The following GABRG3 variants were observed in gnomAD, a reference collection of about 807,000 sequenced individuals.
GABRG3 encodes the protein gamma-aminobutyric acid type A receptor subunit gamma3.
In GABRG3, 25 loss-of-function variants were observed where a neutral mutation model predicts 48.8. That is an observed-to-expected ratio of 0.51 (90% CI 0.37 to 0.72). The LOEUF (loss-of-function observed/expected upper bound fraction) is 0.72, where lower values mean the gene tolerates loss of function less well. GABRG3 is among the 30% of genes least tolerant of loss of function. GABRG3 has a pLI of 0.00. For synonymous variants in GABRG3, 227 were observed against 217.6 expected (o/e 1.04, Z -0.38); for missense variants, 394 against 577.9 (o/e 0.68, Z 3.26).
intron 3 of GABRG3, among the ~76,000 whole-genome samples, chr15:27,133,494 G>C (rs545017172): frequency 6.6e-6 from 1 of 152,236 alleles, no homozygotes; most frequent in East Asian, 1.9e-4. Flanking sequence ...ATTACTTATG[G>C]CTCAATCCTG....
At chr15:27,207,119 G>C (rs1888880177) in intron 3 of GABRG3, among the ~76,000 whole-genome samples, 1 of 152,158 alleles carries the variant, frequency 6.6e-6, no homozygotes. Context: ...ATGTAGACTT[G>C]ATTGTGTAGT....
intron 5 of GABRG3, among the ~76,000 whole-genome samples, chr15:27,407,775 A>G (rs1282492664): frequency 3.9e-5 from 6 of 152,210 alleles, no homozygotes; most frequent in African/African-American, 1.4e-4. Flanking sequence ...TGGAGACTGT[A>G]TAGAGAACAG....
intron 5 of GABRG3, among the ~76,000 whole-genome samples, chr15:27,469,592 C>T (rs750424569): frequency 2.6e-4 from 40 of 152,154 alleles, no homozygotes; most frequent in Non-Finnish European, 4.4e-4. Flanking sequence ...CTGCCTGCCT[C>T]GGCCTCCCAA....
At chr15:27,425,462 A>C (rs1888262752) in intron 5 of GABRG3, among the ~76,000 whole-genome samples, 1 of 150,178 alleles carries the variant, frequency 6.7e-6, no homozygotes, top group South Asian at 2.2e-4. Context: ...AAAAAAAAAA[A>C]AAAATAGGCG....
chr15:27,415,884 T>C (rs1286474358), intron 5 of GABRG3, among the ~76,000 whole-genome samples: 1 of 152,152 alleles, frequency 6.6e-6, no homozygotes, highest in African/African-American at 2.4e-5. Context: ...CACAGGTAGC[T>C]ACTCTATGGT....
At chr15:27,308,167 T>TATGTTTATACATCCAAACATATATAAAC (rs1566773254) in intron 3 of GABRG3, among the ~76,000 whole-genome samples, 941 of 21,190 alleles carry the variant, frequency 0.044, 197 homozygotes, top group Middle Eastern at 0.28. Flanking sequence ...TATAAACATA[T>TATGTTTATACATCCAAACATATATAAAC]ATGTTTATAT....
At position 26,975,306 on chromosome 15, in the gene GABRG3, C is replaced by T. The variant is rs1042740087; in HGVS notation, c.54-1696C>T. On this transcript the variant is annotated intron_variant, in intron 1 of 9. Transcript: ENST00000615808. The surrounding 1 kb of genome is among the most constrained non-coding windows in gnomAD (Gnocchi z 4.6). ...GTGCCCCACATTTAAAAATTCCTAT[C>T]GATCGTGAATATCCAATGTGCATAA... 2.6e-5 allele frequency among the ~76,000 whole-genome samples: 4 copies of T among 152,256 alleles called. No homozygotes were observed. The highest frequency in any genetic ancestry group is 6.5e-5 in the Admixed American group (1 of 15,292).
chr15:27,097,932 CTAT>C (rs1308074274), intron 3 of GABRG3, among the ~76,000 whole-genome samples: 1 of 138,804 alleles, frequency 7.2e-6, no homozygotes, highest in African/African-American at 3.0e-5. Flanking sequence ...CTTCTTAAAT[CTAT>C]TATTCTTTTT....
intron 6 of GABRG3, among the ~76,000 whole-genome samples, chr15:27,516,244 G>C (rs1244924732): frequency 2.0e-5 from 3 of 151,996 alleles, no homozygotes; most frequent in Non-Finnish European, 4.4e-5. Flanking sequence ...AATGTACCAT[G>C]TCCTTGTATT....
chr15:27,292,367 G>A (rs1032035526), intron 3 of GABRG3, among the ~76,000 whole-genome samples: 6 of 151,462 alleles, frequency 4.0e-5, no homozygotes, highest in African/African-American at 1.5e-4. Context: ...ACCATGGCAC[G>A]TGTATACCTA....
intron 2 of GABRG3, among the ~76,000 whole-genome samples, chr15:27,000,272 G>T (rs1895419098): frequency 6.6e-6 from 1 of 152,070 alleles, no homozygotes; most frequent in African/African-American, 2.4e-5. Flanking sequence ...ATATTCTTGA[G>T]TATCATTTTG....
intron 3 of GABRG3, among the ~76,000 whole-genome samples, chr15:27,307,869 A>G (rs1227660928): frequency 1.8e-5 from 1 of 56,158 alleles, no homozygotes; most frequent in East Asian, 2.6e-4. Flanking sequence ...AAATATATAT[A>G]AATGTATATG....
rs193046041 is a variant in GABRG3, at chr15:27,037,703, G to A, written c.270+10882G>A. Among the ~76,000 whole-genome samples the A allele has an allele frequency of 9.3e-4, 141 of 152,272 alleles. 1 individual carries two copies. The highest frequency in any genetic ancestry group is 3.0e-3 in the African/African-American group (124 of 41,562). On this transcript the variant is annotated intron_variant, in intron 3 of 9. Transcript: ENST00000615808. ...GATGAGGGCAAAGTTTGGCAGTTACGCAAGAGACTTTCCTCCCACCTCCTT... is the reference window on the plus strand; with the variant it reads ...GATGAGGGCAAAGTTTGGCAGTTACACAAGAGACTTTCCTCCCACCTCCTT...
At chr15:27,041,728 A>G (rs571231149) in intron 3 of GABRG3, among the ~76,000 whole-genome samples, 1 of 152,294 alleles carries the variant, frequency 6.6e-6, no homozygotes, top group East Asian at 1.9e-4. Context: ...GACTTTCTGC[A>G]TGTGTCTGGT....
chr15:27,436,612 C>G lies in GABRG3; in HGVS notation c.575-44038C>G, dbSNP rs147735037. Among the ~76,000 whole-genome samples the G allele has an allele frequency of 6.0e-3, 915 of 152,266 alleles. 14 individuals are homozygous for G. Among genetic ancestry groups the G allele is most frequent in the African/African-American group, 0.021 (860 of 41,548 alleles). The stretch of plus-strand genomic sequence containing the variant: ...ACATACAAGTGGAGATGCTGAGTTA[C>G]TCACTGGTAGATTAACCTGGAGGGC... On this transcript the variant is annotated intron_variant, in intron 5 of 9. Coordinates refer to ENST00000615808, the MANE Select transcript of GABRG3 (RefSeq NM_033223.5).
At chr15:27,290,697 G>A (rs190876411) in intron 3 of GABRG3, among the ~76,000 whole-genome samples, 1 of 152,236 alleles carries the variant, frequency 6.6e-6, no homozygotes, top group Admixed American at 6.5e-5. Flanking sequence ...CTAAGAAACT[G>A]TCACAACCAA....
intron 5 of GABRG3, among the ~76,000 whole-genome samples, chr15:27,417,924 G>C (rs1887990250): frequency 6.6e-6 from 1 of 152,194 alleles, no homozygotes; most frequent in Admixed American, 6.5e-5. Context: ...CTTGGGCCTA[G>C]GCTCTTGCCT....
At chr15:27,429,849 C>T (rs935906230) in intron 5 of GABRG3, among the ~76,000 whole-genome samples, 10 of 152,274 alleles carry the variant, frequency 6.6e-5, no homozygotes, top group African/African-American at 2.4e-4. Flanking sequence ...ATTGTTTTTA[C>T]ATTTTGGTCC....
intron 3 of GABRG3, among the ~76,000 whole-genome samples, chr15:27,133,105 A>T (rs899525336): frequency 1.6e-4 from 25 of 151,528 alleles, no homozygotes; most frequent in Admixed American, 9.2e-4. Context: ...CATATTTGTG[A>T]TTTTTTAAGT....
Sources: allele counts gnomAD v4.1 joint callset (sites outside exome capture counted in the v4.1 genomes callset), GRCh38; gene constraint gnomAD v4.1.1; non-coding constraint Gnocchi (gnomAD v3.1); transcripts MANE v1.5; gene names NCBI Gene and HGNC (gene_info 2026-07-23, HGNC 2026-07-21).